ZNF529: variants seen among roughly 807,000 people sequenced by gnomAD.
ZNF529 encodes zinc finger protein 529.
In ZNF529, 11 loss-of-function variants were observed where a neutral mutation model predicts 10.1. The observed-to-expected ratio is 1.09, with a 90% CI of 0.69 to 1.81. The LOEUF is 1.81. Ranked by LOEUF, ZNF529 falls within the 40% of genes most tolerant of loss-of-function variation. ZNF529 has a pLI of 0.00. For synonymous variants in ZNF529, 204 were observed against 215.7 expected, an observed-to-expected ratio of 0.95 and a Z score of 0.47; for missense variants, 624 against 666.8, an observed-to-expected ratio of 0.94 and a Z score of 0.71.
rs1192521672 is a variant in ZNF529, at chr19:36,544,361, A to G, written c.*2505T>C. On this transcript the variant is annotated 3_prime_UTR_variant, in exon 5 of 5. Transcript: ENST00000591340. ...AATTTATTATTTGTTAATGACTTCAAAAAGTAAAAGCCAAGACACAAGGAT... is the reference window on the plus strand; with the variant it reads ...AATTTATTATTTGTTAATGACTTCAGAAAGTAAAAGCCAAGACACAAGGAT... 2.0e-5 allele frequency: 3 copies of G among 152,222 alleles called. No homozygotes were observed. In the East Asian group the frequency reaches 5.8e-4, roughly 29 times the overall value. 9.4% of individuals were successfully genotyped at this position (152,222 alleles called of 1,614,324 possible). A position where few individuals can be genotyped will look rare whatever the true frequency, so the allele number is the denominator to read the frequency against.
In ZNF529 at chr19:36,555,585, C is replaced by T. The variant is rs1374292661; in HGVS notation, c.108+519G>A. ...TGCTGGGATTACAGGCGTGAGCCAC[C>T]GCGCCCGGCCGCGATAAAGTTTTTA... On this transcript the variant is annotated intron_variant, in intron 3 of 4. Transcript: ENST00000591340. Among the ~76,000 whole-genome samples the T allele has an allele frequency of 2.3e-4, 6 of 25,570 alleles. 2 individuals carry two copies. Among genetic ancestry groups the T allele is most frequent in the Non-Finnish European group, 4.5e-4 (6 of 13,194 alleles). The allele number at this position is 25,570 out of a possible 152,430, so 16.8% of individuals were successfully genotyped here.
intron 2 of ZNF529, among the ~76,000 whole-genome samples, chr19:36,566,576 C>T (rs1274125809): frequency 9.0e-6 from 1 of 111,442 alleles, no homozygotes; most frequent in Non-Finnish European, 1.7e-5. Context: ...GTGGTCCTAG[C>T]TGTTGGGGAG....
rs749073250 is a variant in ZNF529, at chr19:36,547,798, A to C, written c.760T>G (p.Tyr254Asp). Residue 254 changes from tyrosine to aspartate, a missense_variant, in exon 5 of 5, where the codon TAT (tyrosine) becomes GAT (aspartate). Transcript: ENST00000591340. ...VYQKIHNEKF[Y>D]KCKEYRRTFE... is the part of the protein sequence containing the mutation. The stretch of plus-strand genomic sequence containing the variant: ...GTCCTTCTGTATTCCTTACATTTAT[A>C]GAACTTCTCATTATGAATTTTCTGG... 2.5e-6 allele frequency: 4 copies of C among 1,610,220 alleles called. No homozygotes were observed.
At chr19:36,554,560 AGAGT>A (rs1193358103) in intron 4 of ZNF529, 106 bp downstream of exon 4, 1 of 924,078 alleles carries the variant, frequency 1.1e-6, no homozygotes. Flanking sequence ...CCTGGGTGAC[AGAGT>A]GAGACTCCAT....
At chr19:36,601,695 C>T (rs1344770309) in intron 1 of ZNF529, among the ~76,000 whole-genome samples, 1 of 151,892 alleles carries the variant, frequency 6.6e-6, no homozygotes, top group African/African-American at 2.4e-5. Flanking sequence ...GAAATTGGTA[C>T]TATTATTATA....
chr19:36,550,454 G>C (rs1011318765), intron 4 of ZNF529, among the ~76,000 whole-genome samples: 1 of 152,196 alleles, frequency 6.6e-6, no homozygotes, highest in Non-Finnish European at 1.5e-5. Context: ...GCTGAGGCAG[G>C]AGAATCGCTC....
intron 2 of ZNF529, among the ~76,000 whole-genome samples, chr19:36,587,022 T>C (rs941271426): frequency 6.6e-6 from 1 of 152,094 alleles, no homozygotes; most frequent in Non-Finnish European, 1.5e-5. Flanking sequence ...CCCAACACTT[T>C]GGGAGGCTGA....
upstream of ZNF529, chr19:36,577,202 G>C (rs893684774): frequency 2.2e-6 from 1 of 452,566 alleles, no homozygotes; most frequent in Non-Finnish European, 4.4e-6. Flanking sequence ...TCAAGCAACC[G>C]GCCCTCCTTG....
chr19:36,546,705 G>T lies in ZNF529; in HGVS notation c.*161C>A. On this transcript the variant is annotated 3_prime_UTR_variant, in exon 5 of 5. Coordinates refer to ENST00000591340, the MANE Select transcript of ZNF529 (RefSeq NM_020951.5). ...CTAACAAAGCTATAAGTATATATCA[G>T]CTATGACTAAGCAATTCTACGTCTA... The T allele has an allele frequency of 1.3e-6, 1 of 741,504 alleles. No individual in the cohort carries two copies. The highest frequency in any genetic ancestry group is 2.1e-6 in the Non-Finnish European group (1 of 471,068). 45.9% of individuals were successfully genotyped at this position (741,504 alleles called of 1,614,324 possible).
Position 36,554,565 on chromosome 19 carries a change from G to A in ZNF529, c.235+105C>T. 3 of 1,018,624 alleles carry A rather than the reference G, an allele frequency of 2.9e-6. No homozygotes were observed. The South Asian group carries it at 8.9e-5, about 30-fold the overall frequency. 63.1% of individuals were successfully genotyped at this position (1,018,624 alleles called of 1,614,324 possible). ...TGCACTCCAACCTGGGTGACAGAGT[G>A]AGACTCCATCTCATAAACAAAACAA... On this transcript the variant is annotated intron_variant, in intron 4 of 4. Transcript: ENST00000591340.
intron 2 of ZNF529, among the ~76,000 whole-genome samples, chr19:36,557,907 T>C (rs2035542195): frequency 1.3e-5 from 2 of 152,126 alleles, no homozygotes; most frequent in South Asian, 2.1e-4. Context: ...CATATTCAGG[T>C]AGACAAAGGA....
At position 36,546,732 on chromosome 19, in the gene ZNF529, A is replaced by G; in HGVS notation, c.*134T>C. ...TATGACTAAGCAATTCTACGTCTAC[A>G]TACAGAATGACCATGAAGTCTAAAA... On this transcript the variant is annotated 3_prime_UTR_variant, in exon 5 of 5. Coordinates refer to ENST00000591340, the MANE Select transcript of ZNF529 (RefSeq NM_020951.5). The G allele has an allele frequency of 2.2e-6, 2 of 919,310 alleles. No homozygotes were observed. The highest frequency in any genetic ancestry group is 1.8e-5 in the South Asian group (1 of 54,140). 56.9% of individuals were successfully genotyped at this position (919,310 alleles called of 1,614,324 possible). A position where few individuals can be genotyped will look rare whatever the true frequency, so the allele number is the denominator to read the frequency against.
Position 36,554,747 on chromosome 19 carries a change from C to A in ZNF529, c.158G>T (p.Trp53Leu). The change falls in exon 4 of 5, where the codon TGG (tryptophan) becomes TTG (leucine). Residue 53 changes from tryptophan (W) to leucine (L), a missense_variant. Physicochemically the swap from Trp to Leu is moderately conservative, Grantham distance 61. Transcript: ENST00000591340. ...DVVINFSQEE[W>L]EYLDSAQRNL... is the part of the protein sequence containing the mutation. Reference sequence around the variant, plus strand: ...CCTCTGAGCAGAATCCAGATATTCCCATTCCTCCTGAGAGAAGTTGATGAC... The same window carrying A: ...CCTCTGAGCAGAATCCAGATATTCCAATTCCTCCTGAGAGAAGTTGATGAC... 1 of 1,577,764 alleles carries A rather than the reference C, an allele frequency of 6.3e-7. No individual in the cohort carries two copies. Among genetic ancestry groups the A allele is most frequent in the African/African-American group, 1.4e-5 (1 of 73,990 alleles).
chr19:36,601,267 C>A (rs377440774), intron 1 of ZNF529, among the ~76,000 whole-genome samples: 3 of 151,814 alleles, frequency 2.0e-5, no homozygotes, highest in East Asian at 3.9e-4. Flanking sequence ...CCACACCTGG[C>A]TAATTTTTTT....
At chr19:36,567,014 C>CAA (rs369708887) in intron 2 of ZNF529, among the ~76,000 whole-genome samples, 3 of 121,778 alleles carry the variant, frequency 2.5e-5, no homozygotes, top group African/African-American at 3.1e-5. Flanking sequence ...AGACTGTCTC[C>CAA]AAAAAAAAAA....
chr19:36,572,787 C>CGA (rs1470396517), intron 1 of ZNF529, among the ~76,000 whole-genome samples: 1 of 151,990 alleles, frequency 6.6e-6, no homozygotes, highest in East Asian at 1.9e-4. Context: ...TCTATGTAAT[C>CGA]TATCTATATG....
chr19:36,570,623 T>C (rs942728984), intron 2 of ZNF529, among the ~76,000 whole-genome samples: 6 of 152,216 alleles, frequency 3.9e-5, no homozygotes, highest in Non-Finnish European at 7.3e-5. Flanking sequence ...GAAGAATAAC[T>C]ATGAGCATAA....
chr19:36,601,488 G>A (rs1029146153), intron 1 of ZNF529, among the ~76,000 whole-genome samples: 5 of 151,956 alleles, frequency 3.3e-5, no homozygotes, highest in African/African-American at 4.8e-5. Context: ...GGAGTTCCAG[G>A]CTGTAGTGAG....
At chr19:36,582,284 ATAGT>A (rs2036480301) in intron 2 of ZNF529, 1 of 152,212 alleles carries the variant, frequency 6.6e-6, no homozygotes, top group South Asian at 2.1e-4. Context: ...GTATACTCAA[ATAGT>A]TAAGATGGTA....
Sources: allele counts gnomAD v4.1 joint callset (sites outside exome capture counted in the v4.1 genomes callset), GRCh38; gene constraint gnomAD v4.1.1; transcripts MANE v1.5; gene names NCBI Gene and HGNC (gene_info 2026-07-23, HGNC 2026-07-21).